The following EMSY variants were observed in gnomAD, a reference collection of about 807,000 sequenced individuals.
EMSY encodes BRCA2-interacting transcriptional repressor EMSY.
A neutral mutation model predicts 134.6 loss-of-function variants in EMSY; 26 were observed. That is an observed-to-expected ratio of 0.19 (90% CI 0.14 to 0.27). The LOEUF is 0.27. EMSY is among the 10% of genes least tolerant of loss of function. The pLI, the probability that EMSY is intolerant of heterozygous loss-of-function variation, is 1.00. For synonymous variants in EMSY, 579 were observed against 577.8 expected (o/e 1.00, Z -0.03); for missense variants, 1,305 against 1,611.4 (o/e 0.81, Z 3.26).
chr11:76,547,462 T>G (rs1041472869), intron 20 of EMSY, among the ~76,000 whole-genome samples: 1 of 152,236 alleles, frequency 6.6e-6, no homozygotes, highest in Non-Finnish European at 1.5e-5. Flanking sequence ...TATTTTCCCC[T>G]GAAGAGGTAA....
intron 3 of EMSY, among the ~76,000 whole-genome samples, 182 bp downstream of exon 3, chr11:76,452,139 T>A (rs373097055): frequency 1.1e-4 from 17 of 152,350 alleles, no homozygotes; most frequent in African/African-American, 3.8e-4. Context: ...TAATTTACCA[T>A]TTATTGTGTA....
At chr11:76,483,680 A>G (rs543443667) in intron 8 of EMSY, among the ~76,000 whole-genome samples, 16 of 152,232 alleles carry the variant, frequency 1.1e-4, no homozygotes, top group South Asian at 4.1e-4. Context: ...AAAGAGATCA[A>G]TGCAACAAGA....
intron 14 of EMSY, among the ~76,000 whole-genome samples, chr11:76,531,798 G>A (rs1258106352): frequency 6.6e-6 from 1 of 152,088 alleles, no homozygotes; most frequent in East Asian, 1.9e-4. Flanking sequence ...TCCACTATAA[G>A]GAAAAATCAA....
At chr11:76,460,363 G>T (rs946132893) in intron 6 of EMSY, 1 of 286,646 alleles carries the variant, frequency 3.5e-6, no homozygotes, top group Admixed American at 4.7e-5. Flanking sequence ...TGATTGTCAT[G>T]AAATAGAAAT....
chr11:76,452,102 TTG>T (rs1374769437), intron 3 of EMSY, 145 bp downstream of exon 3: 1 of 487,828 alleles, frequency 2.0e-6, no homozygotes, highest in Non-Finnish European at 3.6e-6. Flanking sequence ...TCCATCCCAG[TTG>T]TGTGCTCTGT....
intron 18 of EMSY, 136 bp downstream of exon 19, chr11:76,542,503 A>T (rs1324788577): frequency 3.2e-5 from 37 of 1,147,758 alleles, no homozygotes; most frequent in Non-Finnish European, 4.2e-5. Flanking sequence ...AGAAATGAGT[A>T]GAGGAAATGA....
chr11:76,551,434 T>C (rs1232703024), exon 21 of EMSY: 1 of 152,806 alleles, frequency 6.5e-6, no homozygotes, highest in African/African-American at 2.4e-5. Context: ...CCAGTTTTTT[T>C]GGTGCTGAAG....
chr11:76,458,533 A>G (rs1947969518), intron 5 of EMSY, 175 bp downstream of exon 6: 6 of 609,520 alleles, frequency 9.8e-6, no homozygotes, highest in Non-Finnish European at 1.3e-5. Flanking sequence ...CCTTAGACAA[A>G]ATTTAGTCTC....
intron 11 of EMSY, among the ~76,000 whole-genome samples, chr11:76,519,738 A>G (rs1950579309): frequency 6.6e-6 from 1 of 152,210 alleles, no homozygotes; most frequent in African/African-American, 2.4e-5. Context: ...AAGCCTACCT[A>G]TTATAATGCC....
chr11:76,458,594 C>A, intron 5 of EMSY: 1 of 354,484 alleles, frequency 2.8e-6, no homozygotes, highest in Non-Finnish European at 5.0e-6. Flanking sequence ...GCAAAAACCT[C>A]GGAATAGATT....
chr11:76,537,714 G>A, intron 15 of EMSY, 81 bp from the exon 17 acceptor site: 1 of 1,304,218 alleles, frequency 7.7e-7, no homozygotes, highest in Non-Finnish European at 1.1e-6. Flanking sequence ...CAGAGGTCTG[G>A]TTCATTATTC....
At chr11:76,545,709 GT>G (rs1389745247) in intron 19 of EMSY, 87 bp from the exon 21 acceptor site, 1 of 1,439,020 alleles carries the variant, frequency 6.9e-7, no homozygotes, top group South Asian at 1.4e-5. Flanking sequence ...GCGCACGAAT[GT>G]TTCTTTTGCC....
At chr11:76,508,221 A>G (rs1359660742) in intron 9 of EMSY, among the ~76,000 whole-genome samples, 1 of 152,192 alleles carries the variant, frequency 6.6e-6, no homozygotes, top group Non-Finnish European at 1.5e-5. Context: ...TCCTTGTTTC[A>G]TGGCCTGCAC....
chr11:76,507,669 G>A (rs976062773), intron 9 of EMSY, among the ~76,000 whole-genome samples: 3 of 151,996 alleles, frequency 2.0e-5, no homozygotes, highest in Non-Finnish European at 4.4e-5. Flanking sequence ...CATCCATAGA[G>A]GTTGGAATCC....
chr11:76,489,644 G>A (rs1175225581), intron 8 of EMSY, among the ~76,000 whole-genome samples: 1 of 142,344 alleles, frequency 7.0e-6, no homozygotes, highest in Non-Finnish European at 1.5e-5. Context: ...TTGCTCTATC[G>A]CCCAGGCTGG....
intron 4 of EMSY, among the ~76,000 whole-genome samples, chr11:76,457,632 A>G (rs1334156622): frequency 1.3e-5 from 2 of 152,178 alleles, no homozygotes; most frequent in African/African-American, 4.8e-5. Context: ...ATACGGTTAT[A>G]TATACAGCAC....
chr11:76,523,704 C>CTGTTTTTTTTTTTTTTTTTTT (rs1950731259), intron 12 of EMSY, among the ~76,000 whole-genome samples: 1 of 80,536 alleles, frequency 1.2e-5, no homozygotes, highest in African/African-American at 5.2e-5. Context: ...TTGTTACTTT[C>CTGTTTTTTTTTTTTTTTTTTT]TTTTTTTTTT....
At chr11:76,526,335 A>T in intron 12 of EMSY, 127 bp from the exon 14 acceptor site, 1 of 592,476 alleles carries the variant, frequency 1.7e-6, no homozygotes, top group Non-Finnish European at 2.6e-6. Flanking sequence ...TGGAAACATT[A>T]TACTTTGTTA....
intron 13 of EMSY, 84 bp from the exon 15 acceptor site, chr11:76,528,184 A>G (rs998902610): frequency 8.2e-7 from 1 of 1,220,288 alleles, no homozygotes; most frequent in African/African-American, 1.5e-5. Flanking sequence ...ATACCAGGAA[A>G]ATATTAGTTT....
Sources: gnomAD v4.1 joint callset for allele counts (sites outside exome capture counted in the v4.1 genomes callset) on GRCh38, gnomAD v4.1.1 for gene constraint, MANE v1.5 for transcripts, NCBI Gene and HGNC (gene_info 2026-07-23, HGNC 2026-07-21) for gene names.